PAK1IP1: variants seen among roughly 807,000 people sequenced by gnomAD.
PAK1IP1 encodes the protein p21-activated protein kinase-interacting protein 1.
Under a neutral mutation model 42.0 loss-of-function variants are expected in PAK1IP1, and 24 were observed. The observed-to-expected ratio is 0.57, with a 90% confidence interval of 0.41 to 0.80. PAK1IP1 has a LOEUF of 0.80. Among genes scored for constraint, PAK1IP1 ranks in the 30% least tolerant of loss-of-function variants. The probability of loss-of-function intolerance (pLI) is 0.00; values close to 1 mark genes in which losing one functional copy is unlikely to be tolerated. For missense variants in PAK1IP1, 411 were observed against 467.9 expected (o/e 0.88, Z 1.12); for synonymous variants, 154 against 156.7 (o/e 0.98, Z 0.13).
chr6:10,697,509 G>T, intron 2 of PAK1IP1, 23 bp downstream of exon 2: 1 of 1,558,310 alleles, frequency 6.4e-7, no homozygotes, highest in East Asian at 2.3e-5. Context: ...TATCCCTTAA[G>T]ATGAGAACAT....
upstream of PAK1IP1, chr6:10,694,901 G>GTGTT: frequency 1.2e-6 from 1 of 812,486 alleles, no homozygotes; most frequent in Non-Finnish European, 2.0e-6. Context: ...AAGGAGTCAG[G>GTGTT]TGTTTTTTTT....
Position 10,704,794 on chromosome 6 carries a change from T to C in PAK1IP1, c.690T>C (p.Phe230=). The change falls in exon 7 of 10, where the codon TTT becomes TTC. Residue 230 remains phenylalanine (F), a synonymous_variant. Transcript: ENST00000379568. The stretch of plus-strand genomic sequence containing the variant: ...GAGATGAAGAAGTTATAAGGTTTTT[T>C]GACTGTGATTCACTAGTGTGCCTCT... ...VAGDEEVIRF[F]DCDSLVCLCE... The C allele has an allele frequency of 6.2e-7, 1 of 1,613,930 alleles. No homozygotes were observed. The highest frequency in any genetic ancestry group is 8.5e-7 in the Non-Finnish European group (1 of 1,179,772).
Position 10,709,376 on chromosome 6 carries a change from T to C in PAK1IP1, c.1103T>C (p.Ile368Thr), listed in dbSNP as rs1437708870. 6.2e-7 allele frequency: 1 copy of C among 1,613,726 alleles called. No individual in the cohort carries two copies. The highest frequency in any genetic ancestry group is 8.5e-7 in the Non-Finnish European group (1 of 1,179,922). The stretch of plus-strand genomic sequence containing the variant: ...AAAGCAACAAAAGAAAGTGGCCTGA[T>C]ATCAACCAAGAAGAGGAAAATGGTA... ...SKKATKESGL[I>T]STKKRKMVEM... Residue 368 changes from isoleucine (I) to threonine (T), a missense_variant, in exon 10 of 10, where the codon ATA becomes ACA. Transcript: ENST00000379568.
intron 5 of PAK1IP1, among the ~76,000 whole-genome samples, chr6:10,704,009 TA>T (rs1297423876): frequency 6.6e-6 from 1 of 151,890 alleles, no homozygotes; most frequent in African/African-American, 2.4e-5. Flanking sequence ...CATTTTATTT[TA>T]TTTTATATTT....
At chr6:10,701,108 TTC>T (rs1489715151) in intron 2 of PAK1IP1, among the ~76,000 whole-genome samples, 2 of 152,126 alleles carry the variant, frequency 1.3e-5, no homozygotes, top group Admixed American at 6.6e-5. Flanking sequence ...GATGCAGTCT[TTC>T]TCTGTCACCC....
At chr6:10,694,080 A>G (rs187434635), upstream of PAK1IP1, among the ~76,000 whole-genome samples, 19 of 152,106 alleles carry the variant, frequency 1.2e-4, no homozygotes, top group East Asian at 3.7e-3. Flanking sequence ...GCCAACATGG[A>G]GAAACCCTGT....
At chr6:10,702,274 T>G in intron 2 of PAK1IP1, 95 bp from the exon 3 acceptor site, 4 of 962,732 alleles carry the variant, frequency 4.2e-6, no homozygotes, top group Non-Finnish European at 6.3e-6. Flanking sequence ...AAAAAGGTAT[T>G]GAGTGTTTTA....
rs775957449 is a variant in PAK1IP1 at position 10,704,577 on chromosome 6, C to G, written c.567C>G (p.Ile189Met). Residue 189 changes from isoleucine (I) to methionine (M), a missense_variant, in exon 6 of 10, where the codon ATC becomes ATG. Ile to Met is a conservative substitution (Grantham distance 10, BLOSUM62 1). Transcript: ENST00000379568. Reference protein sequence around the residue: ...YVVIIQNKIDIYQLDTASISG... With the variant: ...YVVIIQNKIDMYQLDTASISG... Reference sequence around the variant, plus strand: ...TTATCATACAGAATAAAATAGACATCTATCAGCTTGACACTGCATCCATTA... The same window carrying G: ...TTATCATACAGAATAAAATAGACATGTATCAGCTTGACACTGCATCCATTA... 2 of 1,599,822 alleles carry G rather than the reference C, an allele frequency of 1.3e-6. No individual in the cohort carries two copies. Among genetic ancestry groups the G allele is most frequent in the African/African-American group, 2.7e-5 (2 of 74,762 alleles).
At chr6:10,691,687 T>A (rs1430107560), upstream of PAK1IP1, among the ~76,000 whole-genome samples, 1 of 152,088 alleles carries the variant, frequency 6.6e-6, no homozygotes, top group Non-Finnish European at 1.5e-5. Context: ...CCTCCAAAAA[T>A]GTATATCCAC....
intron 8 of PAK1IP1, among the ~76,000 whole-genome samples, chr6:10,708,277 G>T: frequency 6.7e-6 from 1 of 148,844 alleles, no homozygotes. Flanking sequence ...TTCATATATG[G>T]AATCACACAA....
intron 7 of PAK1IP1, 70 bp downstream of exon 7, chr6:10,704,914 C>A: frequency 1.1e-6 from 1 of 924,400 alleles, no homozygotes; most frequent in Non-Finnish European, 1.8e-6. Context: ...GTTTCATAAG[C>A]CAGGTTATAT....
chr6:10,697,081 C>G (rs1432712319), intron 1 of PAK1IP1, among the ~76,000 whole-genome samples: 1 of 152,172 alleles, frequency 6.6e-6, no homozygotes. Flanking sequence ...GTTGCCTGCC[C>G]ACCTCCTTGC....
upstream of PAK1IP1, among the ~76,000 whole-genome samples, chr6:10,694,301 C>G (rs1257599843): frequency 6.6e-6 from 1 of 151,830 alleles, no homozygotes; most frequent in Non-Finnish European, 1.5e-5. Flanking sequence ...TGCTCCCTCC[C>G]CAGGAGGTGC....
chr6:10,703,222 G>A (rs1379046200), intron 4 of PAK1IP1, among the ~76,000 whole-genome samples, 183 bp from the exon 5 acceptor site: 1 of 152,020 alleles, frequency 6.6e-6, no homozygotes, highest in Non-Finnish European at 1.5e-5. Flanking sequence ...AAGGGATATG[G>A]GAATGAAGCA....
chr6:10,709,445 T>G lies in PAK1IP1; in HGVS notation c.1172T>G (p.Met391Arg), dbSNP rs1484665335. 6.3e-7 allele frequency: 1 copy of G among 1,599,736 alleles called. No individual in the cohort carries two copies. Among genetic ancestry groups the G allele is most frequent in the Non-Finnish European group, 8.5e-7 (1 of 1,170,640 alleles). Residue 391 changes from methionine (M) to arginine (R), a missense_variant, in exon 10 of 10, where the codon ATG becomes AGG. Transcript: ENST00000379568. Reference protein sequence around the residue: ...KKRKKKKIKTMQ With the variant: ...KKRKKKKIKTRQ ...AGGAAAAAGAAGAAAATAAAAACAA[T>G]GCAGTGAATCACAGATGTCTCCTGA...
chr6:10,704,451 G>T, intron 5 of PAK1IP1, 56 bp from the exon 6 acceptor site: 1 of 1,000,632 alleles, frequency 1.0e-6, no homozygotes, highest in South Asian at 1.6e-5. Flanking sequence ...TTATTACTAT[G>T]ATCATTTTAT....
chr6:10,709,501 C>A lies in PAK1IP1; in HGVS notation c.*49C>A. The A allele has an allele frequency of 3.4e-6, 4 of 1,180,120 alleles. No homozygotes were observed. The highest frequency in any genetic ancestry group is 1.8e-5 in the African/African-American group (1 of 54,484). 73.1% of individuals were successfully genotyped at this position (1,180,120 alleles called of 1,614,324 possible). The stretch of plus-strand genomic sequence containing the variant: ...CTCTTTTAGATGAAATCATTCTACT[C>A]AAATGTACCTTAATTTTTTTTTTTT... On this transcript the variant is annotated 3_prime_UTR_variant, in exon 10 of 10. Coordinates refer to ENST00000379568, the MANE Select transcript of PAK1IP1 (RefSeq NM_017906.3).
chr6:10,692,360 CA>C (rs202201075), upstream of PAK1IP1, among the ~76,000 whole-genome samples: 1,366 of 152,246 alleles, frequency 9.0e-3, 12 homozygotes, highest in African/African-American at 0.031. Flanking sequence ...GAAACTTACA[CA>C]TTACAAAAAA....
upstream of PAK1IP1, among the ~76,000 whole-genome samples, chr6:10,693,394 CAAT>C (rs1172453920): frequency 6.6e-6 from 1 of 152,214 alleles, no homozygotes; most frequent in Admixed American, 6.5e-5. Context: ...CTATTTCTAA[CAAT>C]AACAAGGTCT....
Sources: allele counts gnomAD v4.1 joint callset (sites outside exome capture counted in the v4.1 genomes callset), GRCh38; gene constraint gnomAD v4.1.1; transcripts MANE v1.5; gene names NCBI Gene and HGNC (gene_info 2026-07-23, HGNC 2026-07-21).